The following SNX29 variants were observed in gnomAD, a reference collection of about 807,000 sequenced individuals.
SNX29 encodes sorting nexin-29.
Under a neutral mutation model 102.1 loss-of-function variants are expected in SNX29, and 78 were observed. The observed-to-expected ratio is 0.76, with a 90% CI of 0.64 to 0.92. SNX29 has a LOEUF of 0.92. Ranked by LOEUF, SNX29 falls within the 40% of genes least tolerant of loss-of-function variation. The probability of loss-of-function intolerance (pLI) is 0.00; values close to 1 mark genes in which losing one functional copy is unlikely to be tolerated. For missense variants in SNX29, 1,280 were observed against 1,061.7 expected (o/e 1.21, Z -2.86); for synonymous variants, 580 against 414.5 (o/e 1.40, Z -4.85).
intron 20 of SNX29, among the ~76,000 whole-genome samples, chr16:12,563,718 C>G (rs966683943): frequency 6.6e-6 from 1 of 152,322 alleles, no homozygotes; most frequent in East Asian, 1.9e-4. Context: ...TGAGGAAAGC[C>G]AGAGATGGCA....
At chr16:12,516,953 A>G (rs2089892916) in intron 19 of SNX29, among the ~76,000 whole-genome samples, 1 of 152,222 alleles carries the variant, frequency 6.6e-6, no homozygotes, top group East Asian at 1.9e-4. Context: ...TCATTTGATG[A>G]TAACTTTATC....
At chr16:12,551,381 C>T (rs2856782) in intron 20 of SNX29, among the ~76,000 whole-genome samples, 7,905 of 152,192 alleles carry the variant, frequency 0.052, 366 homozygotes, top group East Asian at 0.23. Context: ...AGAACTTCCC[C>T]AACAGTAGGA....
intron 14 of SNX29, among the ~76,000 whole-genome samples, chr16:12,206,312 C>T (rs1315048726): frequency 1.4e-5 from 2 of 141,192 alleles, no homozygotes; most frequent in Non-Finnish European, 3.0e-5. Context: ...TTCTTTCTTT[C>T]TTCAGTTTCT....
At chr16:12,554,763 C>T (rs571547819) in intron 20 of SNX29, among the ~76,000 whole-genome samples, 2 of 147,550 alleles carry the variant, frequency 1.4e-5, no homozygotes, top group African/African-American at 2.7e-5. Context: ...TTAGAACGTG[C>T]TCTCTCCCCC....
chr16:12,114,853 A>AT (rs1300572378), intron 11 of SNX29, among the ~76,000 whole-genome samples: 1 of 152,096 alleles, frequency 6.6e-6, no homozygotes, highest in South Asian at 2.1e-4. Context: ...ATCACTTCAT[A>AT]TGTCTCAGTT....
intron 12 of SNX29, among the ~76,000 whole-genome samples, chr16:12,128,754 G>T (rs982684660): frequency 6.6e-6 from 1 of 152,236 alleles, no homozygotes; most frequent in East Asian, 1.9e-4. Context: ...GCCCGGCCTT[G>T]TTTTTGCTTA....
intron 14 of SNX29, among the ~76,000 whole-genome samples, chr16:12,212,400 C>T (rs1033577872): frequency 3.9e-5 from 6 of 152,112 alleles, no homozygotes; most frequent in South Asian, 2.1e-4. Context: ...AAGGCTACTT[C>T]GTCCATGGTA....
chr16:12,324,922 G>A (rs1287573832), intron 15 of SNX29, among the ~76,000 whole-genome samples: 3 of 152,128 alleles, frequency 2.0e-5, no homozygotes, highest in Non-Finnish European at 4.4e-5. Context: ...TAAAAACAGC[G>A]TTTCAACCGG....
intron 20 of SNX29, among the ~76,000 whole-genome samples, chr16:12,542,587 C>A (rs374622390): frequency 1.3e-5 from 2 of 152,214 alleles, no homozygotes; most frequent in East Asian, 3.8e-4. Flanking sequence ...CCGCCTCAGC[C>A]TCCCAAAGTG....
chr16:12,417,079 G>A (rs8061365), intron 18 of SNX29, among the ~76,000 whole-genome samples: 85,250 of 151,892 alleles, frequency 0.56, 24,442 homozygotes, highest in Non-Finnish European at 0.63. Context: ...TGCAGCCAGG[G>A]TGCCAGCCAC....
intron 14 of SNX29, among the ~76,000 whole-genome samples, chr16:12,273,183 C>T (rs775701426): frequency 1.4e-4 from 22 of 152,128 alleles, no homozygotes; most frequent in Non-Finnish European, 2.6e-4. Context: ...GCAGTCTCTC[C>T]TGGTGCCTTC....
At chr16:12,562,808 C>G (rs1475540444) in intron 20 of SNX29, among the ~76,000 whole-genome samples, 5 of 152,164 alleles carry the variant, frequency 3.3e-5, no homozygotes, top group Non-Finnish European at 7.4e-5. Context: ...TGGAACAACT[C>G]CTTTCCCCCC....
At chr16:12,409,903 T>C (rs1280701638) in intron 18 of SNX29, among the ~76,000 whole-genome samples, 1 of 152,238 alleles carries the variant, frequency 6.6e-6, no homozygotes, top group Non-Finnish European at 1.5e-5. Flanking sequence ...TGCTGGCTGT[T>C]GTACAATATT....
At chr16:12,356,690 A>G (rs1220148773) in intron 16 of SNX29, among the ~76,000 whole-genome samples, 1 of 152,222 alleles carries the variant, frequency 6.6e-6, no homozygotes, top group Admixed American at 6.5e-5. Flanking sequence ...TTAATTGAAT[A>G]TTGTGGTTTG....
intron 11 of SNX29, among the ~76,000 whole-genome samples, chr16:12,114,536 C>A (rs1596939023): frequency 6.6e-6 from 1 of 151,856 alleles, no homozygotes; most frequent in African/African-American, 2.4e-5. Context: ...TGTCAGATGG[C>A]CCGTGTTTCA....
At chr16:11,991,740 G>A in intron 1 of SNX29, among the ~76,000 whole-genome samples, 1 of 143,298 alleles carries the variant, frequency 7.0e-6, no homozygotes, top group Non-Finnish European at 1.5e-5. Context: ...TTCCAGTAGA[G>A]ATGGGGTTTC....
chr16:12,032,885 T>C (rs567248785), intron 4 of SNX29, among the ~76,000 whole-genome samples: 20 of 152,152 alleles, frequency 1.3e-4, no homozygotes, highest in African/African-American at 4.8e-4. Flanking sequence ...TTTTGTGAGA[T>C]AGAATCTCAC....
chr16:12,565,533 C>G (rs527714141), intron 20 of SNX29, among the ~76,000 whole-genome samples: 3 of 152,142 alleles, frequency 2.0e-5, no homozygotes, highest in African/African-American at 7.2e-5. Flanking sequence ...CACATGGCCT[C>G]GAGGATTGAA....
At chr16:12,154,713 G>C (rs1177017925) in intron 13 of SNX29, among the ~76,000 whole-genome samples, 2 of 152,182 alleles carry the variant, frequency 1.3e-5, no homozygotes, top group African/African-American at 2.4e-5. Context: ...GTGGAGGCTG[G>C]AAGTCCAAGA....
Sources: gnomAD v4.1 joint callset for allele counts (sites outside exome capture counted in the v4.1 genomes callset) on GRCh38, gnomAD v4.1.1 for gene constraint, MANE v1.5 for transcripts, NCBI Gene and HGNC (gene_info 2026-07-23, HGNC 2026-07-21) for gene names.